Variants in TNC observed in about 807,000 individuals in gnomAD.
TNC encodes the protein tenascin.
A neutral mutation model predicts 202.4 loss-of-function variants in TNC; 109 were observed. The ratio of observed to expected loss-of-function variants is 0.54; its 90% CI spans 0.46 to 0.63. The LOEUF is 0.63. TNC is among the 30% of genes least tolerant of loss of function. The pLI, the probability that TNC is intolerant of heterozygous loss-of-function variation, is 0.00. For synonymous variants in TNC, 1,007 were observed against 1,089.7 expected (o/e 0.92, Z 1.50); for missense variants, 2,756 against 2,833.3 (o/e 0.97, Z 0.62).
intron 25 of TNC, among the ~76,000 whole-genome samples, chr9:115,026,972 G>A (rs1265364084): frequency 6.6e-6 from 1 of 152,034 alleles, no homozygotes; most frequent in Non-Finnish European, 1.5e-5. Context: ...AGCTGGGTGT[G>A]GTGGTGGGTG....
At position 115,081,829 on chromosome 9, in the gene TNC, G is replaced by C; in HGVS notation, c.2347C>G (p.Leu783Val). Residue 783 changes from leucine to valine, a missense_variant, in exon 6 of 28, where the codon CTG becomes GTG. This residue lies in a region of TNC where 2,559 missense variants were observed against 2,546.0 expected (regional missense o/e 1.01). Transcript: ENST00000350763. ...LAPGQEYEIS[L>V]HIVKNNTRGP... ...CGGGTATTGTTTTTCACTATGTGCA[G>C]AGATATCTCATACTCTTGCCCAGGA... 1 of 1,611,980 alleles carries C rather than the reference G, an allele frequency of 6.2e-7. No individual in the cohort carries two copies.
At chr9:115,087,697 T>C (rs893129237) in intron 2 of TNC, among the ~76,000 whole-genome samples, 4 of 44,582 alleles carry the variant, frequency 9.0e-5, no homozygotes, top group Non-Finnish European at 1.9e-4. Context: ...TTCTTTCTTT[T>C]CTTTTTTTTT....
intron 9 of TNC, 24 bp downstream of exon 9, chr9:115,076,008 A>C (rs1290841908): frequency 6.2e-7 from 1 of 1,601,122 alleles, no homozygotes; most frequent in Admixed American, 1.7e-5. Flanking sequence ...GCTCAGTGGG[A>C]TGGGAATTCC....
intron 18 of TNC, among the ~76,000 whole-genome samples, chr9:115,041,466 TG>T (rs1830753991): frequency 6.6e-6 from 1 of 152,244 alleles, no homozygotes; most frequent in African/African-American, 2.4e-5. Flanking sequence ...CCCATTGTCT[TG>T]GCTTAGGATT....
At chr9:115,075,283 C>T (rs907912416) in intron 9 of TNC, among the ~76,000 whole-genome samples, 1 of 152,150 alleles carries the variant, frequency 6.6e-6, no homozygotes, top group Non-Finnish European at 1.5e-5. Context: ...GCTGCGGCTA[C>T]AGGATACAAC....
intron 20 of TNC, among the ~76,000 whole-genome samples, chr9:115,037,274 A>T (rs1478863141): frequency 1.3e-5 from 2 of 152,114 alleles, no homozygotes; most frequent in African/African-American, 4.8e-5. Context: ...ACAATACCAA[A>T]CCATAAAATA....
chr9:115,045,524 A>G (rs929581699), intron 17 of TNC, among the ~76,000 whole-genome samples: 2 of 141,396 alleles, frequency 1.4e-5, no homozygotes, highest in African/African-American at 2.6e-5. Context: ...GAGGCACCAC[A>G]CCTGGCTAAG....
intron 1 of TNC, among the ~76,000 whole-genome samples, chr9:115,114,379 C>G (rs997330379): frequency 6.6e-6 from 1 of 152,318 alleles, no homozygotes; most frequent in Non-Finnish European, 1.5e-5. Context: ...TTCACTTTAC[C>G]TACCAATCAG....
intron 23 of TNC, 110 bp downstream of exon 23, chr9:115,031,443 C>A (rs1829939025): frequency 1.0e-5 from 13 of 1,253,742 alleles, no homozygotes; most frequent in Non-Finnish European, 1.4e-5. Flanking sequence ...TGAATCGATT[C>A]TTTTCAGAGG....
Position 115,064,045 on chromosome 9 carries a change from C to A in TNC, c.3511G>T (p.Val1171Phe), listed in dbSNP as rs1220142688. 1 of 1,609,696 alleles carries A rather than the reference C, an allele frequency of 6.2e-7. No homozygotes were observed. Among genetic ancestry groups the A allele is most frequent in the Non-Finnish European group, 8.5e-7 (1 of 1,177,202 alleles). Residue 1171 changes from valine (V) to phenylalanine (F), a missense_variant, in exon 12 of 28, where the codon GTC (valine) becomes TTC (phenylalanine). By Grantham distance (50) the Val-to-Phe change is conservative. Around this residue, in one of 2 missense-constraint regions of TNC, gnomAD observed 2,559 missense variants for 2,546.0 expected, o/e 1.01. Transcript: ENST00000350763. ...STGETPNLGE[V>F]VVAEVGWDAL... Reference sequence around the variant, plus strand: ...TCCCAGCCCACCTCGGCCACCACGACCTCTCCCAAATTGGGAGTTTCCCCT... The same window carrying A: ...TCCCAGCCCACCTCGGCCACCACGAACTCTCCCAAATTGGGAGTTTCCCCT...
intron 7 of TNC, among the ~76,000 whole-genome samples, chr9:115,077,470 G>A (rs1833963786): frequency 2.0e-5 from 3 of 151,880 alleles, no homozygotes; most frequent in Admixed American, 6.6e-5. Flanking sequence ...GATTACAGGC[G>A]TGAGCCACCA....
chr9:115,025,098 A>G (rs1052957326), intron 26 of TNC, among the ~76,000 whole-genome samples: 11 of 152,194 alleles, frequency 7.2e-5, no homozygotes, highest in African/African-American at 2.7e-4. Flanking sequence ...CAGCCTTACA[A>G]ACGTTATCTC....
intron 10 of TNC, among the ~76,000 whole-genome samples, chr9:115,070,578 G>T (rs1833391482): frequency 1.3e-5 from 2 of 152,186 alleles, no homozygotes; most frequent in South Asian, 4.1e-4. Context: ...GCCACATCAA[G>T]AAAAAGACTT....
At chr9:115,111,943 C>T (rs924002881) in intron 1 of TNC, among the ~76,000 whole-genome samples, 3 of 152,142 alleles carry the variant, frequency 2.0e-5, no homozygotes, top group Non-Finnish European at 2.9e-5. Context: ...CAGACAATAA[C>T]CTCATGAGAG....
At chr9:115,057,548 T>C in intron 14 of TNC, 123 bp from the exon 15 acceptor site, 1 of 1,070,330 alleles carries the variant, frequency 9.3e-7, no homozygotes, top group South Asian at 1.6e-5. Flanking sequence ...AATTCAGGGC[T>C]ATGATGGAAG....
At chr9:115,033,009 C>A (rs3789875) in intron 22 of TNC, among the ~76,000 whole-genome samples, 31,029 of 152,156 alleles carry the variant, frequency 0.2, 3,620 homozygotes, top group Non-Finnish European at 0.28. Flanking sequence ...TTAGTTTGGG[C>A]AGTCATGCAT....
chr9:115,046,613 G>A lies in TNC; in HGVS notation c.4922C>T (p.Thr1641Ile). 2.5e-6 allele frequency: 4 copies of A among 1,614,032 alleles called. No individual in the cohort carries two copies. Among genetic ancestry groups the A allele is most frequent in the Non-Finnish European group, 3.4e-6 (4 of 1,179,996 alleles). Residue 1641 changes from threonine (T) to isoleucine (I), a missense_variant, in exon 17 of 28, where the codon ACA becomes ATA. Thr to Ile is a moderately conservative substitution (Grantham distance 89). This residue lies in a region of TNC where 2,559 missense variants were observed against 2,546.0 expected (regional missense o/e 1.01). Coordinates refer to ENST00000350763, the MANE Select transcript of TNC (RefSeq NM_002160.4). ...ATPDGFRLSWTADEGVFDNFV... is the reference protein window; with the variant it reads ...ATPDGFRLSWIADEGVFDNFV... ...ATTGTCGAAGACCCCTTCATCAGCT[G>A]TCCAGGACAGACGGAAACCGTCTGG...
chr9:115,073,470 T>G, intron 10 of TNC, 133 bp downstream of exon 10: 1 of 1,067,944 alleles, frequency 9.4e-7, no homozygotes, highest in East Asian at 2.5e-5. Flanking sequence ...CAAAGTGGTG[T>G]TCAGGGGCTT....
intron 1 of TNC, among the ~76,000 whole-genome samples, chr9:115,116,874 A>G (rs1837506208): frequency 6.6e-6 from 1 of 152,076 alleles, no homozygotes; most frequent in South Asian, 2.1e-4. Flanking sequence ...GGTGAGATAA[A>G]AAGCGGGGGC....
Sources: allele counts gnomAD v4.1 joint callset (sites outside exome capture counted in the v4.1 genomes callset), GRCh38; gene constraint gnomAD v4.1.1; regional missense constraint gnomAD v4.1.1; transcripts MANE v1.5; gene names NCBI Gene and HGNC (gene_info 2026-07-23, HGNC 2026-07-21).